MCM10: variants seen among roughly 807,000 people sequenced by gnomAD.
MCM10 encodes the protein minichromosome maintenance 10 replication initiation factor.
In MCM10, 91 loss-of-function variants were observed where a neutral mutation model predicts 109.9. The observed-to-expected ratio is 0.83, with a 90% CI of 0.70 to 0.99. MCM10 has a LOEUF of 0.99. Among genes scored for constraint, MCM10 ranks in the 50% least tolerant of loss-of-function variants. MCM10 has a pLI of 0.00. For missense variants in MCM10, 1,077 were observed against 1,061.2 expected (o/e 1.01, Z -0.21); for synonymous variants, 380 against 387.2 (o/e 0.98, Z 0.22).
Position 13,209,630 on chromosome 10 carries a change from T to C in MCM10, c.*320T>C, listed in dbSNP as rs1457822571. On this transcript the variant is annotated 3_prime_UTR_variant, in exon 20 of 20. Transcript: ENST00000378714. The stretch of plus-strand genomic sequence containing the variant: ...GCTATGTTTCTGTATCTTTTGGTTA[T>C]AGAGTGTTCACTTCTTTATCATAAC... 5.8e-6 allele frequency: 2 copies of C among 346,086 alleles called. No individual in the cohort carries two copies. Among genetic ancestry groups the C allele is most frequent in the Non-Finnish European group, 5.3e-6 (1 of 188,798 alleles). 21.4% of individuals were successfully genotyped at this position (346,086 alleles called of 1,614,324 possible).
At chr10:13,165,669 G>A (rs912826571) in intron 2 of MCM10, among the ~76,000 whole-genome samples, 5 of 152,108 alleles carry the variant, frequency 3.3e-5, no homozygotes, top group Non-Finnish European at 5.9e-5. Flanking sequence ...GAGGTCAGGA[G>A]TTCGAGGCCA....
chr10:13,189,378 A>G (rs1410162369), intron 10 of MCM10, among the ~76,000 whole-genome samples: 1 of 150,362 alleles, frequency 6.7e-6, no homozygotes, highest in Non-Finnish European at 1.5e-5. Flanking sequence ...GCTGGAGTGC[A>G]GTGGTGCAGT....
At chr10:13,199,627 A>G (rs927852877) in intron 16 of MCM10, among the ~76,000 whole-genome samples, 3 of 152,252 alleles carry the variant, frequency 2.0e-5, no homozygotes, top group Non-Finnish European at 4.4e-5. Flanking sequence ...AAAAAAATCA[A>G]TAAATATCCT....
At chr10:13,164,099 G>A (rs1313779490) in intron 1 of MCM10, 29 bp from the exon 2 acceptor site, 4 of 978,680 alleles carry the variant, frequency 4.1e-6, no homozygotes, top group Non-Finnish European at 3.0e-6. Context: ...AGAATTGAAA[G>A]TGACATTTCT....
At chr10:13,208,996 G>A in intron 18 of MCM10, 95 bp from the exon 19 acceptor site, 1 of 829,154 alleles carries the variant, frequency 1.2e-6, no homozygotes, top group African/African-American at 1.7e-5. Context: ...CTCCTTGAAT[G>A]GGGGCCTACT....
At chr10:13,193,160 G>A (rs1297531534) in intron 13 of MCM10, among the ~76,000 whole-genome samples, 3 of 151,984 alleles carry the variant, frequency 2.0e-5, no homozygotes, top group African/African-American at 7.3e-5. Context: ...GGGTTTTGCC[G>A]CAATTCAGTT....
intron 5 of MCM10, among the ~76,000 whole-genome samples, chr10:13,173,045 C>G (rs1204413800): frequency 6.6e-6 from 1 of 152,056 alleles, no homozygotes; most frequent in Admixed American, 6.6e-5. Flanking sequence ...CCTATCTCTA[C>G]AGTAATAAAA....
intron 3 of MCM10, 62 bp downstream of exon 3, chr10:13,171,325 G>C (rs1466772327): frequency 7.2e-7 from 1 of 1,390,158 alleles, no homozygotes; most frequent in Non-Finnish European, 9.7e-7. Flanking sequence ...CCACCAATCT[G>C]ATAGTTGTCA....
At chr10:13,202,960 T>G (rs1190475758) in intron 17 of MCM10, among the ~76,000 whole-genome samples, 2 of 152,146 alleles carry the variant, frequency 1.3e-5, no homozygotes, top group Non-Finnish European at 2.9e-5. Context: ...TTCTCGTGTC[T>G]CAGCCTCCCG....
chr10:13,171,121 C>T lies in MCM10; in HGVS notation c.207C>T (p.Asp69=), dbSNP rs2131558154. The T allele has an allele frequency of 4.3e-6, 7 of 1,614,066 alleles. No individual in the cohort carries two copies. The highest frequency in any genetic ancestry group is 5.1e-6 in the Non-Finnish European group (6 of 1,180,026). Residue 69 remains aspartate (D), a synonymous_variant, in exon 3 of 20, where the codon GAC becomes GAT. Coordinates refer to ENST00000378714, the MANE Select transcript of MCM10 (RefSeq NM_018518.5). The part of the protein sequence containing the change: ...ADDGETGETR[D]EKENLATLFG... Reference sequence around the variant, plus strand: ...ATGGAGAAACAGGAGAGACAAGAGACGAAAAGGAAAATCTGGCCACTCTCT... The same window carrying T: ...ATGGAGAAACAGGAGAGACAAGAGATGAAAAGGAAAATCTGGCCACTCTCT...
chr10:13,198,667 A>G (rs778351831), intron 15 of MCM10, 22 bp from the exon 16 acceptor site: 1 of 1,522,314 alleles, frequency 6.6e-7, no homozygotes. Context: ...GTCGCTGCTA[A>G]TGTTTGTTCC....
At chr10:13,206,291 C>A (rs1056196350) in intron 18 of MCM10, among the ~76,000 whole-genome samples, 58 of 152,350 alleles carry the variant, frequency 3.8e-4, no homozygotes, top group African/African-American at 1.4e-3. Context: ...CACATTTCGC[C>A]CACGGGCACC....
intron 7 of MCM10, among the ~76,000 whole-genome samples, chr10:13,181,664 TGTA>T (rs1172953228): frequency 2.0e-5 from 3 of 152,164 alleles, no homozygotes; most frequent in Non-Finnish European, 4.4e-5. Flanking sequence ...ATCCTGCACA[TGTA>T]CCCCAGAACT....
Position 13,172,808 on chromosome 10 carries a change from G to GT in MCM10, c.592+46dup. On this transcript the variant is annotated intron_variant, in intron 5 of 19. Transcript: ENST00000378714. The surrounding 1 kb of genome is among the most constrained non-coding windows in gnomAD (Gnocchi z 5.2). ...TCAGTATCTTGGCACTATTGTATGTGTTTATGTGTGTGGGGGTGTTCATGT... is the reference window on the plus strand; with the variant it reads ...TCAGTATCTTGGCACTATTGTATGTGTTTTATGTGTGTGGGGGTGTTCATGT... 1 of 1,602,776 alleles carries GT rather than the reference G, an allele frequency of 6.2e-7. No homozygotes were observed. Among genetic ancestry groups the GT allele is most frequent in the Non-Finnish European group, 8.5e-7 (1 of 1,171,370 alleles).
At chr10:13,196,637 C>T (rs960398822) in intron 14 of MCM10, among the ~76,000 whole-genome samples, 3 of 152,064 alleles carry the variant, frequency 2.0e-5, no homozygotes, top group Middle Eastern at 3.2e-3. Context: ...CTCAGCCTCC[C>T]GAATTGCTGG....
chr10:13,193,686 G>T (rs1424448884), intron 13 of MCM10, among the ~76,000 whole-genome samples: 2 of 152,118 alleles, frequency 1.3e-5, no homozygotes, highest in African/African-American at 4.8e-5. Flanking sequence ...TTGAAGTGCC[G>T]GTGGGATATC....
intron 11 of MCM10, 45 bp downstream of exon 11, chr10:13,191,444 A>T (rs778448525): frequency 1.0e-5 from 15 of 1,501,066 alleles, no homozygotes; most frequent in Non-Finnish European, 1.4e-5. Context: ...CAGTTTAATT[A>T]TGCAGCCTTA....
rs1290171794 is a variant in MCM10 at position 13,209,120 on chromosome 10, A to G, written c.2528A>G (p.Asp843Gly). 6.2e-7 allele frequency: 1 copy of G among 1,613,206 alleles called. No homozygotes were observed. Among genetic ancestry groups the G allele is most frequent in the Non-Finnish European group, 8.5e-7 (1 of 1,179,168 alleles). The change falls in exon 19 of 20, where the codon GAC (aspartate) becomes GGC (glycine). Residue 843 changes from aspartate (D) to glycine (G), a missense_variant. Transcript: ENST00000378714. ...TGTGGCCTCTACAAATGGGAACGGG[A>G]CGGAATGCTAAAGGTATGCCATTTG... Reference protein sequence around the residue: ...SNCGLYKWERDGMLKEKTGPK... With the variant: ...SNCGLYKWERGGMLKEKTGPK...
At chr10:13,202,320 G>A (rs1834511005) in intron 17 of MCM10, among the ~76,000 whole-genome samples, 1 of 152,162 alleles carries the variant, frequency 6.6e-6, no homozygotes, top group South Asian at 2.1e-4. Context: ...TCACGCCACT[G>A]CACCCTAGCC....
Sources: allele counts gnomAD v4.1 joint callset (sites outside exome capture counted in the v4.1 genomes callset), GRCh38; gene constraint gnomAD v4.1.1; non-coding constraint Gnocchi (gnomAD v3.1); transcripts MANE v1.5; gene names NCBI Gene and HGNC (gene_info 2026-07-23, HGNC 2026-07-21).